ATP2B2: variants seen among roughly 807,000 people sequenced by gnomAD.
ATP2B2 encodes plasma membrane calcium-transporting ATPase 2.
In ATP2B2, 15 loss-of-function variants were observed where a neutral mutation model predicts 120.0. The ratio of observed to expected loss-of-function variants is 0.12; its 90% confidence interval spans 0.08 to 0.19. ATP2B2 has a LOEUF of 0.19. Ranked by LOEUF, ATP2B2 falls within the 10% of genes least tolerant of loss-of-function variation. The pLI, the probability that ATP2B2 is intolerant of heterozygous loss-of-function variation, is 1.00. For missense variants in ATP2B2, 1,045 were observed against 1,719.8 expected, an observed-to-expected ratio of 0.61 and a Z score of 6.94; for synonymous variants, 694 against 700.3, an observed-to-expected ratio of 0.99 and a Z score of 0.14.
intron 3 of ATP2B2, among the ~76,000 whole-genome samples, chr3:10,521,091 A>G (rs968143082): frequency 6.6e-6 from 1 of 152,230 alleles, no homozygotes; most frequent in Non-Finnish European, 1.5e-5. Context: ...GACATTGGAC[A>G]AGGTTTTGCC....
intron 1 of ATP2B2, among the ~76,000 whole-genome samples, chr3:10,475,110 C>T (rs759141901): frequency 1.3e-5 from 2 of 152,228 alleles, no homozygotes; most frequent in Non-Finnish European, 2.9e-5. Flanking sequence ...GGTGAGCGGG[C>T]GTCAGCACGA....
chr3:10,397,473 C>A (rs530863755), intron 5 of ATP2B2, among the ~76,000 whole-genome samples: 3 of 152,140 alleles, frequency 2.0e-5, no homozygotes, highest in Non-Finnish European at 2.9e-5. Context: ...GGGTCAAGCA[C>A]AAAGTGGAGT....
chr3:10,683,760 G>GTGTGTGTATATA (rs1446781892), intron 1 of ATP2B2, among the ~76,000 whole-genome samples: 18 of 53,894 alleles, frequency 3.3e-4, no homozygotes, highest in African/African-American at 6.2e-4. Flanking sequence ...GTGTGTGTGT[G>GTGTGTGTATATA]TATATATATA....
intron 1 of ATP2B2, among the ~76,000 whole-genome samples, chr3:10,683,706 A>G (rs778699491): frequency 8.3e-5 from 12 of 145,322 alleles, no homozygotes; most frequent in African/African-American, 1.8e-4. Flanking sequence ...GTATATGTAT[A>G]TATGTATATA....
chr3:10,485,490 G>A (rs1009799125), intron 1 of ATP2B2, among the ~76,000 whole-genome samples: 1 of 152,194 alleles, frequency 6.6e-6, no homozygotes, highest in African/African-American at 2.4e-5. Context: ...CTCTCGCCTT[G>A]GCAGTCCCGC....
chr3:10,355,135 T>A (rs1285387883), intron 14 of ATP2B2, among the ~76,000 whole-genome samples: 2 of 152,156 alleles, frequency 1.3e-5, no homozygotes, highest in African/African-American at 2.4e-5. Flanking sequence ...CCTGCATCCA[T>A]CCCGCCCCAC....
At chr3:10,642,602 C>A (rs7615757) in intron 1 of ATP2B2, among the ~76,000 whole-genome samples, 50,015 of 151,824 alleles carry the variant, frequency 0.33, 12,844 homozygotes, top group African/African-American at 0.71. Flanking sequence ...TCATCAAAAT[C>A]ATCCATTTCT....
At position 10,541,995 on chromosome 3, in the gene ATP2B2, T is replaced by C. The variant is rs572044911; in HGVS notation, c.-414-7862A>G. The stretch of plus-strand genomic sequence containing the variant: ...GATTGACCCTTTTATCATTATATTA[T>C]AATAATATCCTTCTCTATCTCCAGT... On this transcript the variant is annotated intron_variant, in intron 2 of 21. Transcript: ENST00000646379. Among the ~76,000 whole-genome samples, 16 of 152,310 alleles carry C rather than the reference T, an allele frequency of 1.1e-4. No homozygotes were observed. The South Asian group carries it at 3.3e-3, about 32-fold the overall frequency.
At chr3:10,377,874 G>A (rs2061423757) in intron 10 of ATP2B2, among the ~76,000 whole-genome samples, 1 of 152,220 alleles carries the variant, frequency 6.6e-6, no homozygotes, top group Non-Finnish European at 1.5e-5. Context: ...TTTGTATGCA[G>A]AGTCTCCTTT....
intron 2 of ATP2B2, among the ~76,000 whole-genome samples, chr3:10,544,334 T>A (rs2067499996): frequency 6.6e-6 from 1 of 152,248 alleles, no homozygotes; most frequent in African/African-American, 2.4e-5. Flanking sequence ...AACATCCTTA[T>A]GTCTGACAGA....
intron 1 of ATP2B2, among the ~76,000 whole-genome samples, chr3:10,645,455 G>A (rs929802710): frequency 2.0e-5 from 3 of 152,198 alleles, no homozygotes; most frequent in Non-Finnish European, 1.5e-5. Context: ...AGCATTTAGA[G>A]GTGAGGTGTA....
intron 1 of ATP2B2, among the ~76,000 whole-genome samples, chr3:10,504,274 C>T (rs527613525): frequency 1.3e-5 from 2 of 152,174 alleles, no homozygotes; most frequent in African/African-American, 4.8e-5. Flanking sequence ...AAGCCCCCTC[C>T]TACTGCACAC....
At chr3:10,702,233 A>G (rs2071829833) in intron 1 of ATP2B2, among the ~76,000 whole-genome samples, 1 of 152,230 alleles carries the variant, frequency 6.6e-6, no homozygotes, top group African/African-American at 2.4e-5. Context: ...GCCACATCAC[A>G]GGCTTGCTGT....
chr3:10,471,640 G>A (rs965766182), intron 1 of ATP2B2, among the ~76,000 whole-genome samples: 2 of 151,794 alleles, frequency 1.3e-5, no homozygotes, highest in Admixed American at 6.6e-5. Flanking sequence ...AAGAGAAATC[G>A]ATATTACCAT....
chr3:10,530,592 G>GT (rs2067191777), intron 3 of ATP2B2, among the ~76,000 whole-genome samples: 1 of 152,158 alleles, frequency 6.6e-6, no homozygotes, highest in Non-Finnish European at 1.5e-5. Context: ...CAGGGCTCAC[G>GT]TTTTTTTCCT....
At chr3:10,336,704 G>T (rs1334140503) in intron 22 of ATP2B2, among the ~76,000 whole-genome samples, 1 of 152,190 alleles carries the variant, frequency 6.6e-6, no homozygotes, top group Non-Finnish European at 1.5e-5. Flanking sequence ...TTCCAGCTCT[G>T]TCACTTACTA....
chr3:10,699,497 C>G (rs1352458296), intron 1 of ATP2B2, among the ~76,000 whole-genome samples: 2 of 152,148 alleles, frequency 1.3e-5, no homozygotes, highest in Non-Finnish European at 2.9e-5. Flanking sequence ...GGACATTTGA[C>G]AAAATATTAA....
At chr3:10,355,088 C>T (rs2060677253) in intron 14 of ATP2B2, among the ~76,000 whole-genome samples, 1 of 151,184 alleles carries the variant, frequency 6.6e-6, no homozygotes, top group Non-Finnish European at 1.5e-5. Flanking sequence ...AAAAAACAAA[C>T]AAATAAACAA....
chr3:10,461,588 C>T (rs977859832), intron 1 of ATP2B2, among the ~76,000 whole-genome samples: 2 of 152,136 alleles, frequency 1.3e-5, no homozygotes, highest in African/African-American at 2.4e-5. Flanking sequence ...ATGTTGGCAT[C>T]ACTTGAGGGC....
Sources: gnomAD v4.1 joint callset for allele counts (sites outside exome capture counted in the v4.1 genomes callset) on GRCh38, gnomAD v4.1.1 for gene constraint, MANE v1.5 for transcripts, NCBI Gene and HGNC (gene_info 2026-07-23, HGNC 2026-07-21) for gene names.